PLXNC1: variants seen among roughly 807,000 people sequenced by gnomAD.
PLXNC1 encodes plexin-C1.
A neutral mutation model predicts 178.2 loss-of-function variants in PLXNC1; 75 were observed. The ratio of observed to expected loss-of-function variants is 0.42; its 90% confidence interval spans 0.35 to 0.51. The LOEUF (loss-of-function observed/expected upper bound fraction) is 0.51, where lower values mean the gene tolerates loss of function less well. Ranked by LOEUF, PLXNC1 falls within the 20% of genes least tolerant of loss-of-function variation. The probability of loss-of-function intolerance (pLI) is 0.02; values close to 1 mark genes in which losing one functional copy is unlikely to be tolerated. For synonymous variants in PLXNC1, 790 were observed against 779.9 expected (o/e 1.01, Z -0.22); for missense variants, 1,503 against 1,984.4 (o/e 0.76, Z 4.61).
At chr12:94,185,326 G>A (rs766777848) in intron 3 of PLXNC1, among the ~76,000 whole-genome samples, 4 of 152,192 alleles carry the variant, frequency 2.6e-5, no homozygotes, top group African/African-American at 4.8e-5. Context: ...GAAAAATAGA[G>A]AGGTCCCTTC....
rs745733048 is a variant in PLXNC1 at position 94,297,182 on chromosome 12, C to T, written c.3935-7C>T. The T allele has an allele frequency of 6.2e-7, 1 of 1,613,800 alleles. No homozygotes were observed. The highest frequency in any genetic ancestry group is 8.5e-7 in the Non-Finnish European group (1 of 1,179,898). The stretch of plus-strand genomic sequence containing the variant: ...CTGCTTTCTCTCCCTCTTTCTCTGG[C>T]ATTCAGATGTGGAGTACTCGGATGA... On this transcript the variant is annotated splice_region_variant and splice_polypyrimidine_tract_variant and intron_variant, in intron 24 of 30. Coordinates refer to ENST00000258526, the MANE Select transcript of PLXNC1 (RefSeq NM_005761.3).
chr12:94,190,406 GT>G (rs959281700), intron 4 of PLXNC1, among the ~76,000 whole-genome samples: 1 of 151,876 alleles, frequency 6.6e-6, no homozygotes, highest in Non-Finnish European at 1.5e-5. Flanking sequence ...CCATGCCCAG[GT>G]TTTTTTTGTA....
At chr12:94,168,553 T>C (rs966353526) in intron 1 of PLXNC1, among the ~76,000 whole-genome samples, 4 of 152,194 alleles carry the variant, frequency 2.6e-5, no homozygotes, top group African/African-American at 4.8e-5. Flanking sequence ...CCCTTCAACT[T>C]GGTTCCTCCT....
At chr12:94,266,081 T>G (rs1965223117) in intron 21 of PLXNC1, among the ~76,000 whole-genome samples, 1 of 152,140 alleles carries the variant, frequency 6.6e-6, no homozygotes, top group African/African-American at 2.4e-5. Context: ...AAGATTACAG[T>G]GGGGTTTGGG....
chr12:94,283,056 T>G (rs952528560), intron 23 of PLXNC1, among the ~76,000 whole-genome samples: 1 of 152,160 alleles, frequency 6.6e-6, no homozygotes, highest in Non-Finnish European at 1.5e-5. Context: ...TCTGAATCTT[T>G]GTTGAATATC....
intron 1 of PLXNC1, among the ~76,000 whole-genome samples, chr12:94,164,709 A>G (rs1961537147): frequency 6.8e-6 from 1 of 146,442 alleles, no homozygotes; most frequent in Non-Finnish European, 1.5e-5. Context: ...ACACACACGT[A>G]CACACACAAA....
intron 26 of PLXNC1, 53 bp downstream of exon 26, chr12:94,297,476 T>C: frequency 8.1e-7 from 1 of 1,229,072 alleles, no homozygotes; most frequent in Admixed American, 1.8e-5. Flanking sequence ...GTGTATGATA[T>C]GTTTGACTTA....
intron 23 of PLXNC1, among the ~76,000 whole-genome samples, chr12:94,289,846 G>A (rs971389618): frequency 2.0e-5 from 3 of 152,004 alleles, no homozygotes; most frequent in Non-Finnish European, 2.9e-5. Flanking sequence ...TCACACATAC[G>A]CGCTCACACA....
chr12:94,205,108 C>T (rs781526533), intron 4 of PLXNC1, among the ~76,000 whole-genome samples: 3 of 152,160 alleles, frequency 2.0e-5, no homozygotes, highest in Non-Finnish European at 2.9e-5. Context: ...CTGCAAGATT[C>T]TAGCCTAACA....
At chr12:94,163,622 G>T (rs1477599125) in intron 1 of PLXNC1, among the ~76,000 whole-genome samples, 1 of 151,942 alleles carries the variant, frequency 6.6e-6, no homozygotes, top group African/African-American at 2.4e-5. Flanking sequence ...GAGGGGAGAG[G>T]GTAGAAGGAG....
chr12:94,277,314 AC>A (rs936245035), intron 21 of PLXNC1: 2 of 152,888 alleles, frequency 1.3e-5, no homozygotes, highest in African/African-American at 4.8e-5. Context: ...ACCTCCAAGT[AC>A]CATCACCTTG....
At chr12:94,190,488 T>C (rs978191640) in intron 4 of PLXNC1, among the ~76,000 whole-genome samples, 1 of 152,068 alleles carries the variant, frequency 6.6e-6, no homozygotes, top group Admixed American at 6.5e-5. Context: ...CAATCCTCCT[T>C]CCTGGGCCTC....
At chr12:94,160,045 G>A (rs1332515495) in intron 1 of PLXNC1, among the ~76,000 whole-genome samples, 2 of 152,182 alleles carry the variant, frequency 1.3e-5, no homozygotes, top group Non-Finnish European at 2.9e-5. Context: ...GGGACATACA[G>A]GAAGACAGGA....
intron 12 of PLXNC1, among the ~76,000 whole-genome samples, chr12:94,245,400 G>C (rs749941763): frequency 1.2e-4 from 18 of 152,320 alleles, no homozygotes; most frequent in Non-Finnish European, 2.2e-4. Context: ...GAAAGTTGAG[G>C]CTGGGTGTGG....
At chr12:94,266,484 C>T (rs150052206) in intron 21 of PLXNC1, among the ~76,000 whole-genome samples, 2 of 152,352 alleles carry the variant, frequency 1.3e-5, no homozygotes, top group East Asian at 1.9e-4. Context: ...AAACACCAGT[C>T]GCTAGGCAGC....
chr12:94,199,774 T>G (rs1402196940), intron 4 of PLXNC1, among the ~76,000 whole-genome samples: 5 of 152,288 alleles, frequency 3.3e-5, no homozygotes, highest in South Asian at 2.1e-4. Context: ...AGCCAGGCTT[T>G]TTTGTTTGTT....
intron 20 of PLXNC1, among the ~76,000 whole-genome samples, chr12:94,263,075 G>C (rs547556060): frequency 1.3e-5 from 2 of 152,270 alleles, no homozygotes; most frequent in Admixed American, 6.5e-5. Flanking sequence ...CTGGCCCCTG[G>C]GGGAGGGGAA....
intron 26 of PLXNC1, 65 bp from the exon 27 acceptor site, chr12:94,298,565 CTA>C: frequency 8.0e-7 from 1 of 1,244,184 alleles, no homozygotes; most frequent in Non-Finnish European, 1.1e-6. Flanking sequence ...TTTGCTTTTG[CTA>C]TTATGTTTTC....
At chr12:94,244,266 A>G (rs111305551) in intron 12 of PLXNC1, among the ~76,000 whole-genome samples, 33 of 152,208 alleles carry the variant, frequency 2.2e-4, no homozygotes, top group African/African-American at 7.9e-4. Flanking sequence ...AAGACCTGAC[A>G]TTTTCTTTTT....
Sources: gnomAD v4.1 joint callset for allele counts (sites outside exome capture counted in the v4.1 genomes callset) on GRCh38, gnomAD v4.1.1 for gene constraint, MANE v1.5 for transcripts, NCBI Gene and HGNC (gene_info 2026-07-23, HGNC 2026-07-21) for gene names.